The following PDE4D variants were observed in gnomAD, a reference collection of about 807,000 sequenced individuals.
The protein encoded by PDE4D is 3',5'-cyclic-AMP phosphodiesterase 4D.
In PDE4D, 24 loss-of-function variants were observed where a neutral mutation model predicts 87.4. That is an observed-to-expected ratio of 0.27 (90% CI 0.20 to 0.39). PDE4D has a LOEUF of 0.39. Ranked by LOEUF, PDE4D falls within the 10% of genes least tolerant of loss-of-function variation. PDE4D has a pLI of 1.00. For missense variants in PDE4D, 714 were observed against 1,041.0 expected (o/e 0.69, Z 4.32); for synonymous variants, 384 against 383.2 (o/e 1.00, Z -0.02).
chr5:59,656,877 G>C (rs1744450308), intron 1 of PDE4D, among the ~76,000 whole-genome samples: 1 of 152,050 alleles, frequency 6.6e-6, no homozygotes, highest in Non-Finnish European at 1.5e-5. Context: ...CATAGCAAAT[G>C]GTCATATTCC....
intron 1 of PDE4D, among the ~76,000 whole-genome samples, chr5:59,492,445 T>C (rs187657784): frequency 1.3e-5 from 2 of 152,310 alleles, no homozygotes; most frequent in African/African-American, 4.8e-5. Context: ...TGTTGTTCTT[T>C]TTGAAGAGTT....
intron 2 of PDE4D, among the ~76,000 whole-genome samples, chr5:60,067,820 A>G (rs1284908467): frequency 2.0e-5 from 3 of 152,082 alleles, no homozygotes; most frequent in Non-Finnish European, 4.4e-5. Flanking sequence ...ATCATGCAAT[A>G]TGTGTCTTTC....
At chr5:60,462,152 C>T (rs1008961080) in intron 1 of PDE4D, among the ~76,000 whole-genome samples, 3 of 152,136 alleles carry the variant, frequency 2.0e-5, no homozygotes, top group African/African-American at 4.8e-5. Flanking sequence ...TACCCACCTG[C>T]AGGGACAACT....
chr5:59,734,329 C>T (rs2150625995), intron 1 of PDE4D, among the ~76,000 whole-genome samples: 1 of 152,074 alleles, frequency 6.6e-6, no homozygotes, highest in East Asian at 1.9e-4. Context: ...TTGAACTTTC[C>T]AAATATATAC....
chr5:59,256,403 G>A (rs554522358), intron 1 of PDE4D, among the ~76,000 whole-genome samples: 15 of 152,132 alleles, frequency 9.9e-5, no homozygotes, highest in African/African-American at 3.4e-4. Flanking sequence ...GTGGCTTCTC[G>A]AGTGCTCTGC....
rs574082953 is a variant in PDE4D, at chr5:60,435,243, C to A, written c.-90+52699G>T. Among the ~76,000 whole-genome samples, 5 of 152,192 alleles carry A rather than the reference C, an allele frequency of 3.3e-5. No homozygotes were observed. In the South Asian group the frequency reaches 1.0e-3, roughly 32 times the overall value. ...CATTTTTCAACTCTGATTACTAAATCTCTATCCTGAATTTCTTTGGCACAA... is the reference window on the plus strand; with the variant it reads ...CATTTTTCAACTCTGATTACTAAATATCTATCCTGAATTTCTTTGGCACAA... On this transcript the variant is annotated intron_variant, in intron 1 of 16. Transcript: ENST00000502484.
intron 1 of PDE4D, among the ~76,000 whole-genome samples, chr5:59,738,913 TCA>T (rs1229592245): frequency 4.6e-5 from 7 of 151,848 alleles, no homozygotes; most frequent in African/African-American, 7.3e-5. Context: ...TCAATTATTT[TCA>T]CAGTGATTAA....
intron 10 of PDE4D, 114 bp downstream of exon 10, chr5:58,989,641 T>G (rs1747397708): frequency 1.1e-5 from 7 of 624,200 alleles, no homozygotes; most frequent in Non-Finnish European, 1.6e-5. Context: ...AGTCAATAAG[T>G]TATACTTCCA....
At chr5:60,069,252 C>T (rs2152894638) in intron 2 of PDE4D, among the ~76,000 whole-genome samples, 1 of 152,244 alleles carries the variant, frequency 6.6e-6, no homozygotes. Flanking sequence ...CGGGGACTTA[C>T]AGAGATGATT....
At chr5:60,324,602 C>A (rs1241954236) in intron 1 of PDE4D, among the ~76,000 whole-genome samples, 1 of 152,212 alleles carries the variant, frequency 6.6e-6, no homozygotes, top group Non-Finnish European at 1.5e-5. Flanking sequence ...GGTGCCACTG[C>A]ACTCCAGCAT....
Position 59,893,241 on chromosome 5 carries a change from C to T in PDE4D, c.382G>A (p.Val128Met). ...AGGCCGGGCCGGTGGCCGGTCTCCA[C>T]CGCGTAGGAGGTGCGGTCCATGGCG... ...CRAMDRTSYAVETGHRPGLKK... is the reference protein window; with the variant it reads ...CRAMDRTSYAMETGHRPGLKK... The change falls in exon 1 of 15, where the codon GTG (valine) becomes ATG (methionine). Residue 128 changes from valine (V) to methionine (M), a missense_variant. Transcript: ENST00000340635. The T allele has an allele frequency of 1.3e-6, 2 of 1,557,128 alleles. No individual in the cohort carries two copies. The highest frequency in any genetic ancestry group is 1.7e-6 in the Non-Finnish European group (2 of 1,150,108).
chr5:59,977,029 C>T (rs1561934803), intron 3 of PDE4D, among the ~76,000 whole-genome samples: 2 of 152,106 alleles, frequency 1.3e-5, no homozygotes, highest in African/African-American at 2.4e-5. Context: ...CCCTGACACA[C>T]AATAATATTG....
intron 5 of PDE4D, among the ~76,000 whole-genome samples, chr5:59,175,805 T>TTTTTTTTTTTTTG (rs1783787156): frequency 7.2e-6 from 1 of 138,200 alleles, no homozygotes; most frequent in Non-Finnish European, 1.6e-5. Context: ...TTTTTTTTTT[T>TTTTTTTTTTTTTG]TACTTTAGGA....
chr5:59,451,693 C>T (rs561873323), intron 1 of PDE4D, among the ~76,000 whole-genome samples: 3 of 152,338 alleles, frequency 2.0e-5, no homozygotes, highest in African/African-American at 7.2e-5. Context: ...GCTCACTTTC[C>T]TCCATTGCCT....
chr5:60,168,594 G>A (rs1020971045), intron 2 of PDE4D, among the ~76,000 whole-genome samples: 3 of 152,140 alleles, frequency 2.0e-5, no homozygotes, highest in Admixed American at 6.5e-5. Flanking sequence ...TGAATACCAC[G>A]GATGCTCATG....
intron 1 of PDE4D, among the ~76,000 whole-genome samples, chr5:60,484,912 T>G (rs1395178000): frequency 6.6e-6 from 1 of 152,196 alleles, no homozygotes; most frequent in Non-Finnish European, 1.5e-5. Flanking sequence ...ACCAATCTAG[T>G]AAAATACCAG....
intron 5 of PDE4D, among the ~76,000 whole-genome samples, chr5:59,169,349 G>A (rs1416723765): frequency 6.6e-6 from 1 of 151,672 alleles, no homozygotes; most frequent in Admixed American, 6.6e-5. Flanking sequence ...TTAGTTTAAG[G>A]AGACTTGGTA....
chr5:59,518,781 T>A (rs1208911485), intron 1 of PDE4D, among the ~76,000 whole-genome samples: 1 of 152,228 alleles, frequency 6.6e-6, no homozygotes, highest in East Asian at 1.9e-4. Flanking sequence ...TTATTAATTT[T>A]AAAAATTCTG....
intron 1 of PDE4D, among the ~76,000 whole-genome samples, chr5:60,206,328 A>G (rs1329050074): frequency 6.6e-6 from 1 of 152,222 alleles, no homozygotes; most frequent in Admixed American, 6.5e-5. Flanking sequence ...GGCTAAAGAG[A>G]AAAATATACA....
Sources: gnomAD v4.1 joint callset for allele counts (sites outside exome capture counted in the v4.1 genomes callset) on GRCh38, gnomAD v4.1.1 for gene constraint, MANE v1.5 for transcripts, NCBI Gene and HGNC (gene_info 2026-07-23, HGNC 2026-07-21) for gene names.